The following DHODH variants were observed in gnomAD, a reference collection of about 807,000 sequenced individuals.
DHODH encodes the protein dihydroorotate dehydrogenase (quinone), mitochondrial.
A neutral mutation model predicts 39.7 loss-of-function variants in DHODH; 30 were observed. The ratio of observed to expected loss-of-function variants is 0.76; its 90% CI spans 0.57 to 1.02. The LOEUF is 1.02. Among genes scored for constraint, DHODH ranks in the 50% least tolerant of loss-of-function variants. DHODH has a pLI of 0.00. For synonymous variants in DHODH, 222 were observed against 213.8 expected (o/e 1.04, Z -0.34); for missense variants, 531 against 520.8 (o/e 1.02, Z -0.19).
rs764930937 is a variant in DHODH at position 72,023,195 on chromosome 16, A to G, written c.850A>G (p.Thr284Ala). 2.5e-6 allele frequency: 4 copies of G among 1,614,128 alleles called. No homozygotes were observed. Among genetic ancestry groups the G allele is most frequent in the Non-Finnish European group, 2.5e-6 (3 of 1,180,024 alleles). Reference sequence around the variant, plus strand: ...CATCGATGGGCTGATTGTTACGAACACCACCGTGAGTCGCCCTGCGGGCCT... The same window carrying G: ...CATCGATGGGCTGATTGTTACGAACGCCACCGTGAGTCGCCCTGCGGGCCT... ...LGIDGLIVTN[T>A]TVSRPAGLQG... is the part of the protein sequence containing the mutation. Residue 284 changes from threonine to alanine, a missense_variant, in exon 7 of 9, where the codon ACC becomes GCC. Thr to Ala is a moderately conservative substitution (Grantham distance 58, BLOSUM62 0). Transcript: ENST00000219240.
chr16:72,013,398 G>A (rs576675519), intron 2 of DHODH, among the ~76,000 whole-genome samples: 2 of 152,296 alleles, frequency 1.3e-5, no homozygotes, highest in East Asian at 3.9e-4. Flanking sequence ...TGCAAGCTGT[G>A]TCTGTATAAA....
intron 1 of DHODH, chr16:72,009,033 G>A (rs1233231836): frequency 7.0e-7 from 1 of 1,421,534 alleles, no homozygotes; most frequent in Non-Finnish European, 9.2e-7. Flanking sequence ...CTGCGCCTGG[G>A]CCATGTTTTT....
rs919219547 is a variant in DHODH, at chr16:72,023,328, C to T, written c.973+10C>T. On this transcript the variant is annotated intron_variant, in intron 7 of 8. Transcript: ENST00000219240. Reference sequence around the variant, plus strand: ...TATGCACTCACCCAAGGCAAGGTTTCCCGTGTTTGTGTCTTCAGATCTGCG... The same window carrying T: ...TATGCACTCACCCAAGGCAAGGTTTTCCGTGTTTGTGTCTTCAGATCTGCG... The T allele has an allele frequency of 1.9e-6, 3 of 1,614,020 alleles. No homozygotes were observed. The highest frequency in any genetic ancestry group is 1.3e-5 in the African/African-American group (1 of 74,936).
At chr16:72,023,707 A>T (rs2041249447) in intron 8 of DHODH, 74 bp downstream of exon 8, 1 of 1,578,838 alleles carries the variant, frequency 6.3e-7, no homozygotes. Context: ...TCAACGAGAT[A>T]CTGTTGATCT....
rs370916415 is a variant in DHODH, at chr16:72,026,386, CTT to C, written c.*2198_*2199del. ...TGGAAGGTTCTCCACGGAAGACTGCCTTTTTTTTTTTTGAGATGGAGTCTCGC... is the reference window on the plus strand; with the variant it reads ...TGGAAGGTTCTCCACGGAAGACTGCCTTTTTTTTTTGAGATGGAGTCTCGC... On this transcript the variant is annotated 3_prime_UTR_variant, in exon 9 of 9. Coordinates refer to ENST00000219240, the MANE Select transcript of DHODH (RefSeq NM_001361.5). 9 of 146,044 alleles carry C rather than the reference CTT, an allele frequency of 6.2e-5. No homozygotes were observed. Among genetic ancestry groups the C allele is most frequent in the Non-Finnish European group, 1.1e-4 (7 of 66,304 alleles). The allele number at this position is 146,044 out of a possible 1,614,324, so 9.0% of individuals were successfully genotyped here. A position where few individuals can be genotyped will look rare whatever the true frequency, so the allele number is the denominator to read the frequency against.
chr16:72,020,329 GTATATATA>G (rs60652629), intron 4 of DHODH: 31 of 102,156 alleles, frequency 3.0e-4, no homozygotes, highest in African/African-American at 1.3e-3. Context: ...ATGTATATGT[GTATATATA>G]TATATATATA....
At chr16:72,014,758 T>C (rs1444266791) in intron 3 of DHODH, 86 bp downstream of exon 3, 3 of 1,326,402 alleles carry the variant, frequency 2.3e-6, no homozygotes, top group East Asian at 2.4e-5. Flanking sequence ...CTGTTTTTTT[T>C]CTCTCATACA....
chr16:72,019,067 T>C (rs1182095471), intron 4 of DHODH, among the ~76,000 whole-genome samples: 3 of 152,220 alleles, frequency 2.0e-5, no homozygotes, highest in Non-Finnish European at 4.4e-5. Context: ...GCGATTCTCC[T>C]TTCTCAGCCT....
At chr16:72,017,344 C>T (rs906321587) in intron 4 of DHODH, among the ~76,000 whole-genome samples, 7 of 152,052 alleles carry the variant, frequency 4.6e-5, no homozygotes, top group Non-Finnish European at 8.8e-5. Context: ...AACCTGTTAC[C>T]GTAACTAGGG....
At position 72,027,555 on chromosome 16, in the gene DHODH, G is replaced by C. The variant is rs1007000316; in HGVS notation, c.*3356G>C. The C allele has an allele frequency of 6.6e-6, 1 of 152,230 alleles. No homozygotes were observed. The highest frequency in any genetic ancestry group is 1.5e-5 in the Non-Finnish European group (1 of 68,056). The allele number at this position is 152,230 out of a possible 1,614,324, so 9.4% of individuals were successfully genotyped here. A position where few individuals can be genotyped will look rare whatever the true frequency, so the allele number is the denominator to read the frequency against. ...CTCTGGGACCAAGGATGGTGGAAGG[G>C]TGTGCAGAATTCCAAATGTTATTTA... On this transcript the variant is annotated 3_prime_UTR_variant, in exon 9 of 9. Transcript: ENST00000219240.
intron 1 of DHODH, chr16:72,009,056 G>A (rs2041052196): frequency 2.9e-6 from 4 of 1,402,568 alleles, no homozygotes; most frequent in Non-Finnish European, 1.9e-6. Context: ...GCCTGGCACA[G>A]GGGTGCTTAG....
chr16:72,012,406 TTA>T (rs2041094377), intron 2 of DHODH, 144 bp downstream of exon 2: 6 of 721,976 alleles, frequency 8.3e-6, no homozygotes, highest in Non-Finnish European at 1.4e-5. Flanking sequence ...CATTATTATT[TTA>T]TGTCATGTAA....
In DHODH at chr16:72,024,296, C is replaced by A; in HGVS notation, c.*97C>A. The A allele has an allele frequency of 7.4e-7, 1 of 1,358,322 alleles. No homozygotes were observed. The highest frequency in any genetic ancestry group is 1.2e-5 in the South Asian group (1 of 84,582). The allele number at this position is 1,358,322 out of a possible 1,614,324, so 84.1% of individuals were successfully genotyped here. On this transcript the variant is annotated 3_prime_UTR_variant, in exon 9 of 9. Coordinates refer to ENST00000219240, the MANE Select transcript of DHODH (RefSeq NM_001361.5). ...TGAGAGGAGGGACTCCATCTTGAGC[C>A]ATGTCCCCCAGCCATGGCATGGCTG...
In DHODH at chr16:72,012,205, TC is replaced by T; in HGVS notation, c.178del (p.Arg60AlafsTer21). On this transcript the variant is annotated frameshift_variant, in exon 2 of 9. Coordinates refer to ENST00000219240, the MANE Select transcript of DHODH (RefSeq NM_001361.5). LOFTEE classifies it high-confidence loss of function. ...CGGAGTCAGCCCACAGACTGGCTGT[TC>T]GCTTCACCTCCCTGGGGCTCCTTCC... Reference protein sequence around the residue: ...DPESAHRLAVRFTSLGLLPRA... With the variant: ...DPESAHRLAVXFTSLGLLPRA... 1 of 1,614,146 alleles carries T rather than the reference TC, an allele frequency of 6.2e-7. No homozygotes were observed. Among genetic ancestry groups the T allele is most frequent in the Non-Finnish European group, 8.5e-7 (1 of 1,180,020 alleles).
rs1349764411 is a variant in DHODH, at chr16:72,008,761, G to A, written c.-4G>A. ...ACAGGGGCGGGCTTAATGACGGAAG[G>A]AGCATGGCGTGGAGACACCTGAAAG... On this transcript the variant is annotated 5_prime_UTR_variant, in exon 1 of 9. Coordinates refer to ENST00000219240, the MANE Select transcript of DHODH (RefSeq NM_001361.5). 7 of 1,551,716 alleles carry A rather than the reference G, an allele frequency of 4.5e-6. No homozygotes were observed. Among genetic ancestry groups the A allele is most frequent in the South Asian group, 2.4e-5 (2 of 84,064 alleles).
At chr16:72,020,166 C>T (rs1398049982) in intron 4 of DHODH, among the ~76,000 whole-genome samples, 1 of 151,534 alleles carries the variant, frequency 6.6e-6, no homozygotes, top group Non-Finnish European at 1.5e-5. Flanking sequence ...ATCCCAGCTA[C>T]TCAGGAGGCT....
Position 72,021,305 on chromosome 16 carries a change from G to T in DHODH, c.699G>T (p.Leu233=). The T allele has an allele frequency of 6.2e-7, 1 of 1,604,444 alleles. No homozygotes were observed. Among genetic ancestry groups the T allele is most frequent in the South Asian group, 1.1e-5 (1 of 89,628 alleles). ...GAAAGGCCGAGCTGCGCCGCCTGCT[G>T]ACCAAGGTGGGCAGCTGCACCCCTC... ...LQGKAELRRL[L]TKVLQERDGL... Residue 233 remains leucine (L), a synonymous_variant, in exon 5 of 9, where the codon CTG becomes CTT. Coordinates refer to ENST00000219240, the MANE Select transcript of DHODH (RefSeq NM_001361.5).
intron 8 of DHODH, 148 bp downstream of exon 8, chr16:72,023,781 A>C (rs1195118042): frequency 1.7e-6 from 2 of 1,178,954 alleles, no homozygotes; most frequent in East Asian, 5.1e-5. Context: ...ATTCTGGGTT[A>C]CTCTTTTGAT....
rs553151962 is a variant in DHODH at position 72,014,443 on chromosome 16, G to C, written c.235-30G>C. The C allele has an allele frequency of 6.9e-6, 11 of 1,601,094 alleles. No individual in the cohort carries two copies. The South Asian group carries it at 1.2e-4, about 18-fold the overall frequency. ...TGAGAAATACCGGGATAGCCTTAGC[G>C]TGCCTCTGACTTTGTCTTCCTCTTC... On this transcript the variant is annotated intron_variant, in intron 2 of 8. Transcript: ENST00000219240.
Sources: allele counts gnomAD v4.1 joint callset (sites outside exome capture counted in the v4.1 genomes callset), GRCh38; gene constraint gnomAD v4.1.1; transcripts MANE v1.5; gene names NCBI Gene and HGNC (gene_info 2026-07-23, HGNC 2026-07-21).